Variants in MTHFD2L observed in about 807,000 individuals in gnomAD.
MTHFD2L encodes the protein methylenetetrahydrofolate dehydrogenase (NADP+ dependent) 2 like.
In MTHFD2L, 29 loss-of-function variants were observed where a neutral mutation model predicts 34.9. That is an observed-to-expected ratio of 0.83 (90% CI 0.62 to 1.13). The LOEUF is 1.13. MTHFD2L is among the 50% of genes most tolerant of loss of function. The pLI is 0.00. For synonymous variants in MTHFD2L, 167 were observed against 155.7 expected, an observed-to-expected ratio of 1.07 and a Z score of -0.54; for missense variants, 481 against 446.5, an observed-to-expected ratio of 1.08 and a Z score of -0.70.
At chr4:74,158,377 G>A (rs1412500839) in intron 1 of MTHFD2L, 96 bp downstream of exon 1, 4 of 940,212 alleles carry the variant, frequency 4.3e-6, no homozygotes, top group South Asian at 4.8e-5. Flanking sequence ...CAAGGCTCGT[G>A]GGCGGCCGCG....
chr4:74,130,988 A>G (rs1458731572), intron 1 of MTHFD2L, among the ~76,000 whole-genome samples: 5 of 152,178 alleles, frequency 3.3e-5, no homozygotes, highest in Non-Finnish European at 5.9e-5. Context: ...CCCATTCACA[A>G]TTGCTACAAA....
intron 1 of MTHFD2L, among the ~76,000 whole-genome samples, chr4:74,138,947 T>G (rs1723121355): frequency 1.3e-5 from 2 of 152,160 alleles, no homozygotes. Context: ...TGAGCCGTCT[T>G]TACTACCTGA....
rs202043677 is a variant in MTHFD2L, at chr4:74,174,381, G to GA, written c.144-116dup. Reference sequence around the variant, plus strand: ...CTGAAGAGTAGGTGTCACTATAATTGAAAAAAAAATCAAATTTTGGGTGCT... The same window carrying GA: ...CTGAAGAGTAGGTGTCACTATAATTGAAAAAAAAAATCAAATTTTGGGTGCT... On this transcript the variant is annotated intron_variant, in intron 1 of 7. Coordinates refer to ENST00000325278, the MANE Select transcript of MTHFD2L (RefSeq NM_001144978.3). 1,403 of 636,718 alleles carry GA rather than the reference G, an allele frequency of 2.2e-3. 3 individuals are homozygous for GA. Among genetic ancestry groups the GA allele is most frequent in the East Asian group, 9.5e-3 (272 of 28,588 alleles). 39.4% of individuals were successfully genotyped at this position (636,718 alleles called of 1,614,324 possible).
At chr4:74,275,741 G>A (rs1268560112) in intron 6 of MTHFD2L, among the ~76,000 whole-genome samples, 5 of 151,706 alleles carry the variant, frequency 3.3e-5, no homozygotes, top group Admixed American at 2.0e-4. Flanking sequence ...CCACATAAAT[G>A]TCTTCTTTTG....
At chr4:74,227,470 TAAAGGCACAAATCAAGAACCATTC>T (rs1393753379) in intron 6 of MTHFD2L, among the ~76,000 whole-genome samples, 3 of 152,106 alleles carry the variant, frequency 2.0e-5, no homozygotes, top group Non-Finnish European at 4.4e-5. Flanking sequence ...CTGTATGAAG[TAAAGGCACAAATCAAGAACCATTC>T]CTGGGGGAAG....
intron 1 of MTHFD2L, among the ~76,000 whole-genome samples, chr4:74,137,648 C>A (rs528646024): frequency 4.1e-4 from 63 of 152,242 alleles, no homozygotes; most frequent in African/African-American, 1.4e-3. Context: ...AAGAAGATAT[C>A]TGCATTCCCA....
chr4:74,208,863 C>A (rs1735806203), intron 5 of MTHFD2L, among the ~76,000 whole-genome samples: 2 of 152,060 alleles, frequency 1.3e-5, no homozygotes, highest in African/African-American at 4.8e-5. Context: ...CATCTAACTG[C>A]CATTAGAATA....
intron 2 of MTHFD2L, among the ~76,000 whole-genome samples, chr4:74,115,055 T>A (rs149075903): frequency 8.5e-5 from 13 of 152,250 alleles, no homozygotes; most frequent in Middle Eastern, 3.4e-3. Context: ...ACAGTAAGTG[T>A]TTTATTAAAA....
chr4:74,270,805 T>C (rs535845520), intron 6 of MTHFD2L, among the ~76,000 whole-genome samples: 2 of 152,210 alleles, frequency 1.3e-5, no homozygotes, highest in East Asian at 1.9e-4. Flanking sequence ...AAAGTGTTCC[T>C]ATTTCTCCAC....
intron 7 of MTHFD2L, among the ~76,000 whole-genome samples, chr4:74,299,495 A>G (rs981343893): frequency 6.6e-6 from 1 of 151,986 alleles, no homozygotes; most frequent in African/African-American, 2.4e-5. Flanking sequence ...AGTGCTTGAG[A>G]AAAGGTCCTG....
At chr4:74,290,066 G>A (rs1748684727) in intron 7 of MTHFD2L, among the ~76,000 whole-genome samples, 1 of 152,196 alleles carries the variant, frequency 6.6e-6, no homozygotes, top group African/African-American at 2.4e-5. Flanking sequence ...GTATACAATT[G>A]TGAATTTTCC....
At chr4:74,118,082 G>C (rs551314216) in intron 2 of MTHFD2L, among the ~76,000 whole-genome samples, 1 of 152,004 alleles carries the variant, frequency 6.6e-6, no homozygotes, top group African/African-American at 2.4e-5. Flanking sequence ...TTGGTACATA[G>C]GGTGTTGAAA....
chr4:74,171,624 G>A (rs974020458), intron 1 of MTHFD2L, among the ~76,000 whole-genome samples: 4 of 152,000 alleles, frequency 2.6e-5, no homozygotes, highest in Admixed American at 6.6e-5. Flanking sequence ...CCAACATAGC[G>A]AAACCCCGTC....
intron 3 of MTHFD2L, among the ~76,000 whole-genome samples, chr4:74,176,076 A>G (rs1728973944): frequency 6.6e-6 from 1 of 152,090 alleles, no homozygotes; most frequent in Admixed American, 6.6e-5. Context: ...TAACATTTAA[A>G]GGAATTTCAG....
intron 1 of MTHFD2L, among the ~76,000 whole-genome samples, chr4:74,132,105 G>C (rs1722555089): frequency 6.6e-6 from 1 of 152,182 alleles, no homozygotes; most frequent in South Asian, 2.1e-4. Context: ...TACTGAAGAG[G>C]AAGTGGAGAA....
Position 74,231,483 on chromosome 4 carries a change from A to G in MTHFD2L, c.805+6089A>G, listed in dbSNP as rs150918991. On this transcript the variant is annotated intron_variant, in intron 6 of 7. Coordinates refer to ENST00000325278, the MANE Select transcript of MTHFD2L (RefSeq NM_001144978.3). ...TGATGCCAGCACATTTCATGGCTTC[A>G]CTCATACTATAGTCCTTTCCATATC... Among the ~76,000 whole-genome samples the G allele has an allele frequency of 2.5e-3, 383 of 152,120 alleles. 1 individual carries two copies. The highest frequency in any genetic ancestry group is 8.3e-3 in the African/African-American group (345 of 41,456).
Position 74,228,775 on chromosome 4 carries a change from A to G in MTHFD2L, c.805+3381A>G, listed in dbSNP as rs186500694. ...AAAATAAAGGAACAGAAGGACAAGG[A>G]AGACTCAAGCCTATATAAAATAAAC... On this transcript the variant is annotated intron_variant, in intron 6 of 7. Transcript: ENST00000325278. 2.0e-5 allele frequency among the ~76,000 whole-genome samples: 3 copies of G among 152,358 alleles called. No individual in the cohort carries two copies. The East Asian group carries it at 5.8e-4, about 29-fold the overall frequency.
At chr4:74,258,270 AC>A (rs2110215397) in intron 6 of MTHFD2L, among the ~76,000 whole-genome samples, 1 of 152,284 alleles carries the variant, frequency 6.6e-6, no homozygotes, top group Non-Finnish European at 1.5e-5. Flanking sequence ...TGAAGAGATA[AC>A]TGCAGTCCTG....
chr4:74,235,818 T>C (rs1024870212), intron 6 of MTHFD2L, among the ~76,000 whole-genome samples: 2 of 152,184 alleles, frequency 1.3e-5, no homozygotes, highest in African/African-American at 2.4e-5. Flanking sequence ...TATGAAGCTT[T>C]GTTGTTTCAT....
Sources: allele counts gnomAD v4.1 joint callset (sites outside exome capture counted in the v4.1 genomes callset), GRCh38; gene constraint gnomAD v4.1.1; transcripts MANE v1.5; gene names NCBI Gene and HGNC (gene_info 2026-07-23, HGNC 2026-07-21).